GULP1: variants seen among roughly 807,000 people sequenced by gnomAD.
GULP1 encodes the protein GULP PTB domain containing engulfment adaptor 1.
A neutral mutation model predicts 40.9 loss-of-function variants in GULP1; 19 were observed. The ratio of observed to expected loss-of-function variants is 0.46; its 90% CI spans 0.32 to 0.68. The LOEUF is 0.68. GULP1 is among the 30% of genes least tolerant of loss of function. The probability of loss-of-function intolerance (pLI) is 0.03; values close to 1 mark genes in which losing one functional copy is unlikely to be tolerated. For synonymous variants in GULP1, 119 were observed against 117.6 expected (o/e 1.01, Z -0.08); for missense variants, 312 against 362.2 (o/e 0.86, Z 1.12).
At chr2:188,504,104 A>C (rs1156350984) in intron 4 of GULP1, among the ~76,000 whole-genome samples, 1 of 151,814 alleles carries the variant, frequency 6.6e-6, no homozygotes, top group Non-Finnish European at 1.5e-5. Context: ...TGCTTTGGAG[A>C]GCTAAGGAGC....
At chr2:188,456,216 A>C (rs574460359) in intron 2 of GULP1, among the ~76,000 whole-genome samples, 1 of 108,922 alleles carries the variant, frequency 9.2e-6, no homozygotes, top group Non-Finnish European at 2.0e-5. Context: ...AATTTGCATA[A>C]GTAATTTGCA....
chr2:188,350,681 T>C (rs1247827291), intron 1 of GULP1, among the ~76,000 whole-genome samples: 1 of 152,058 alleles, frequency 6.6e-6, no homozygotes, highest in Non-Finnish European at 1.5e-5. Context: ...ACTAAATTTG[T>C]AGGTTCAAAT....
intron 1 of GULP1, among the ~76,000 whole-genome samples, chr2:188,325,194 C>T (rs2040578726): frequency 6.6e-6 from 1 of 151,998 alleles, no homozygotes; most frequent in Admixed American, 6.6e-5. Flanking sequence ...AGAGATTATA[C>T]CAAATCATGT....
At chr2:188,568,409 CATT>C (rs1381199245) in intron 7 of GULP1, among the ~76,000 whole-genome samples, 6 of 152,184 alleles carry the variant, frequency 3.9e-5, no homozygotes, top group Admixed American at 1.3e-4. Context: ...ATGTGCAAGA[CATT>C]ATGAATTCAG....
chr2:188,402,151 T>A (rs2052386446), intron 2 of GULP1, among the ~76,000 whole-genome samples: 1 of 152,158 alleles, frequency 6.6e-6, no homozygotes. Context: ...TAGGCTATTT[T>A]GATGGTAACA....
chr2:188,444,831 C>T (rs747756014), intron 2 of GULP1, among the ~76,000 whole-genome samples: 9 of 152,156 alleles, frequency 5.9e-5, no homozygotes, highest in Non-Finnish European at 7.4e-5. Context: ...ACAGAGTTTA[C>T]TAAAAATATC....
chr2:188,341,081 T>C (rs118171268), intron 1 of GULP1, among the ~76,000 whole-genome samples: 2,350 of 152,188 alleles, frequency 0.015, 100 homozygotes, highest in East Asian at 0.15. Context: ...CAGGAATGCA[T>C]GTTCTCACTT....
At chr2:188,567,583 A>G (rs188497556) in intron 7 of GULP1, among the ~76,000 whole-genome samples, 1 of 152,308 alleles carries the variant, frequency 6.6e-6, no homozygotes, top group African/African-American at 2.4e-5. Flanking sequence ...GTGGGAGTTG[A>G]ACAATGAGAA....
At chr2:188,404,608 C>T (rs1281916081) in intron 2 of GULP1, among the ~76,000 whole-genome samples, 1 of 152,206 alleles carries the variant, frequency 6.6e-6, no homozygotes, top group African/African-American at 2.4e-5. Flanking sequence ...ACAGATCCCT[C>T]AGCCTCAGGC....
intron 1 of GULP1, among the ~76,000 whole-genome samples, chr2:188,363,764 G>A (rs1574740390): frequency 6.6e-6 from 1 of 152,266 alleles, no homozygotes; most frequent in South Asian, 2.1e-4. Context: ...AAGAAATACT[G>A]TATAACTTGA....
At chr2:188,582,890 T>A (rs1258374128) in intron 9 of GULP1, among the ~76,000 whole-genome samples, 70 of 152,178 alleles carry the variant, frequency 4.6e-4, no homozygotes, top group Non-Finnish European at 4.4e-5. Context: ...TGATAAGAGT[T>A]AAAGATAGAA....
In GULP1 at chr2:188,569,312, A is replaced by G. The variant is rs377130007; in HGVS notation, c.473A>G (p.Lys158Arg). 1.3e-6 allele frequency: 2 copies of G among 1,599,568 alleles called. No individual in the cohort carries two copies. Among genetic ancestry groups the G allele is most frequent in the Non-Finnish European group, 1.7e-6 (2 of 1,166,988 alleles). ...AYRKFLESGG[K>R]DVETRKQIAG... is the part of the protein sequence containing the mutation. ...AGGAAATTTCTAGAATCAGGAGGAA[A>G]AGATGTTGAAACAAGAAAACAGATC... Residue 158 changes from lysine (K) to arginine (R), a missense_variant, in exon 8 of 12, where the codon AAA becomes AGA. Coordinates refer to ENST00000409830, the MANE Select transcript of GULP1 (RefSeq NM_016315.4).
At chr2:188,548,084 CT>C (rs1423508231) in intron 7 of GULP1, among the ~76,000 whole-genome samples, 1 of 152,002 alleles carries the variant, frequency 6.6e-6, no homozygotes, top group Non-Finnish European at 1.5e-5. Context: ...AAACTTTTCA[CT>C]CTCTTGGCTC....
chr2:188,506,360 T>G (rs980268153), intron 4 of GULP1, among the ~76,000 whole-genome samples: 6 of 152,050 alleles, frequency 3.9e-5, no homozygotes, highest in African/African-American at 1.2e-4. Context: ...AATCAGTACA[T>G]AAAAGCCAGA....
rs1482143218 is a variant in GULP1 at position 188,472,122 on chromosome 2, G to T, written c.-44-5537G>T. 2.6e-5 allele frequency among the ~76,000 whole-genome samples: 4 copies of T among 152,012 alleles called. No individual in the cohort carries two copies. In the East Asian group the frequency reaches 7.7e-4, roughly 29 times the overall value. On this transcript the variant is annotated intron_variant, in intron 2 of 11. Transcript: ENST00000409830. ...CTCTTGGCCTGTAAGGTTTCCACTG[G>T]AAATTCTGCTGCCAGATGTATTGGA...
chr2:188,460,245 A>G (rs2059590787), intron 2 of GULP1, among the ~76,000 whole-genome samples: 1 of 152,150 alleles, frequency 6.6e-6, no homozygotes, highest in Non-Finnish European at 1.5e-5. Context: ...TAGTATGTAC[A>G]TTTTAACAAT....
intron 7 of GULP1, among the ~76,000 whole-genome samples, chr2:188,566,616 T>C (rs1244175245): frequency 2.0e-5 from 3 of 151,462 alleles, no homozygotes; most frequent in Non-Finnish European, 1.5e-5. Flanking sequence ...GCTAACGTGG[T>C]GAAACCCAGT....
At position 188,335,578 on chromosome 2, in the gene GULP1, C is replaced by T. The variant is rs2042152483; in HGVS notation, c.-172+43412C>T. 2.6e-5 allele frequency among the ~76,000 whole-genome samples: 4 copies of T among 152,200 alleles called. No homozygotes were observed. The South Asian group carries it at 8.3e-4, about 32-fold the overall frequency. On this transcript the variant is annotated intron_variant, in intron 1 of 11. Coordinates refer to ENST00000409830, the MANE Select transcript of GULP1 (RefSeq NM_016315.4). Reference sequence around the variant, plus strand: ...TATACATCACATTGCTGCAAATTTTCGTTTTCTCTGTTTCTGTCATTAACT... The same window carrying T: ...TATACATCACATTGCTGCAAATTTTTGTTTTCTCTGTTTCTGTCATTAACT...
chr2:188,559,843 C>T (rs563189837), intron 7 of GULP1, among the ~76,000 whole-genome samples: 6 of 152,218 alleles, frequency 3.9e-5, no homozygotes, highest in African/African-American at 1.2e-4. Flanking sequence ...ATCATCAGGG[C>T]GGTTTCCCAC....
Sources: gnomAD v4.1 joint callset for allele counts (sites outside exome capture counted in the v4.1 genomes callset) on GRCh38, gnomAD v4.1.1 for gene constraint, MANE v1.5 for transcripts, NCBI Gene and HGNC (gene_info 2026-07-23, HGNC 2026-07-21) for gene names.